COL1A2: variants seen among roughly 807,000 people sequenced by gnomAD.
The protein encoded by COL1A2 is collagen alpha-2(I) chain.
A neutral mutation model predicts 174.3 loss-of-function variants in COL1A2; 49 were observed. The observed-to-expected ratio is 0.28, with a 90% CI of 0.22 to 0.36. The LOEUF is 0.36. COL1A2 is among the 10% of genes least tolerant of loss of function. The probability of loss-of-function intolerance (pLI) is 1.00; values close to 1 mark genes in which losing one functional copy is unlikely to be tolerated. For missense variants in COL1A2, 1,438 were observed against 1,822.7 expected (o/e 0.79, Z 3.84); for synonymous variants, 655 against 606.6 (o/e 1.08, Z -1.17).
At chr7:94,397,870 C>A in intron 2 of COL1A2, 112 bp downstream of exon 2, 1 of 655,356 alleles carries the variant, frequency 1.5e-6, no homozygotes, top group South Asian at 2.0e-5. Flanking sequence ...CCTAGATTCC[C>A]AAGAAAATTG....
rs756564577 is a variant in COL1A2 at position 94,430,387 on chromosome 7, C to A, written c.4095C>A (p.Phe1365Leu). The A allele has an allele frequency of 2.5e-6, 4 of 1,613,862 alleles. No homozygotes were observed. In the East Asian group the frequency reaches 8.9e-5, roughly 36 times the overall value. ...TTGTGGACATTGGCCCAGTCTGTTT[C>A]AAATAAATGAACTCAATCTAAATTA... ...EFFVDIGPVC[F>L]K The change falls in exon 52 of 52, where the codon TTC becomes TTA. Residue 1365 changes from phenylalanine to leucine, a missense_variant. By Grantham distance (22) the Phe-to-Leu change is conservative. This residue lies in a region of COL1A2 where 290 missense variants were observed against 298.1 expected (regional missense o/e 0.97). Coordinates refer to ENST00000297268, the MANE Select transcript of COL1A2 (RefSeq NM_000089.4).
intron 34 of COL1A2, 50 bp downstream of exon 34, chr7:94,419,601 C>G (rs1318953759): frequency 6.2e-7 from 1 of 1,601,120 alleles, no homozygotes; most frequent in Admixed American, 1.7e-5. Context: ...AATTTCCCGC[C>G]TTCCCTAGTC....
intron 45 of COL1A2, 62 bp downstream of exon 45, chr7:94,426,113 T>A: frequency 1.4e-6 from 2 of 1,450,576 alleles, no homozygotes; most frequent in Non-Finnish European, 1.9e-6. Context: ...GTCCAAAACA[T>A]CTGTTAAGAA....
Position 94,420,426 on chromosome 7 carries a change from T to C in COL1A2, c.2169T>C (p.Asn723=), listed in dbSNP as rs407599. ...GTGAGGTCGGTCCTGCTGGCCCCAA[T>C]GGATTTGCTGGTCCTGCTGTGAGTA... ...ERGEVGPAGP[N]GFAGPAGAAG... is the part of the protein sequence containing the mutation. The change falls in exon 36 of 52, where the codon AAT becomes AAC. Residue 723 remains asparagine (N), a synonymous_variant. Coordinates refer to ENST00000297268, the MANE Select transcript of COL1A2 (RefSeq NM_000089.4). The C allele has an allele frequency of 6.2e-7, 1 of 1,614,232 alleles. No individual in the cohort carries two copies. The highest frequency in any genetic ancestry group is 8.5e-7 in the Non-Finnish European group (1 of 1,180,038).
At chr7:94,415,880 G>A (rs988690456) in intron 30 of COL1A2, among the ~76,000 whole-genome samples, 5 of 151,800 alleles carry the variant, frequency 3.3e-5, no homozygotes, top group Admixed American at 6.6e-5. Context: ...ATGTAAATTG[G>A]GAGATATTTA....
chr7:94,413,724 A>G lies in COL1A2; in HGVS notation c.1592A>G (p.Gln531Arg), dbSNP rs757994462. The change falls in exon 27 of 52, where the codon CAG becomes CGG. Residue 531 changes from glutamine (Q) to arginine (R), a missense_variant. Around this residue, in one of 3 missense-constraint regions of COL1A2, gnomAD observed 867 missense variants for 1,213.7 expected, o/e 0.71. Transcript: ENST00000297268. ...APGPDGNNGA[Q>R]GPPGPQGVQG... ...GGTCCTGATGGAAACAATGGTGCTCAGGGACCTCCTGGACCACAGGTGAGT... is the reference window on the plus strand; with the variant it reads ...GGTCCTGATGGAAACAATGGTGCTCGGGGACCTCCTGGACCACAGGTGAGT... 1.9e-6 allele frequency: 3 copies of G among 1,614,238 alleles called. No homozygotes were observed. Among genetic ancestry groups the G allele is most frequent in the Non-Finnish European group, 2.5e-6 (3 of 1,180,046 alleles).
intron 33 of COL1A2, among the ~76,000 whole-genome samples, chr7:94,419,053 G>A (rs1050966247): frequency 1.4e-5 from 2 of 147,106 alleles, no homozygotes; most frequent in Non-Finnish European, 3.0e-5. Flanking sequence ...ACCTTATCTC[G>A]TATGTCAGCC....
chr7:94,422,939 T>C lies in COL1A2; in HGVS notation c.2404-18T>C, dbSNP rs1792197115. 1 of 1,613,986 alleles carries C rather than the reference T, an allele frequency of 6.2e-7. No homozygotes were observed. Among genetic ancestry groups the C allele is most frequent in the African/African-American group, 1.3e-5 (1 of 74,928 alleles). On this transcript the variant is annotated intron_variant, in intron 39 of 51. Coordinates refer to ENST00000297268, the MANE Select transcript of COL1A2 (RefSeq NM_000089.4). ...GGTGATTAACAGAAAGGAAATGACC[T>C]TGTACATTTGCTCATAGGGTATTTC...
intron 22 of COL1A2, 36 bp downstream of exon 22, chr7:94,410,978 T>C: frequency 6.2e-7 from 1 of 1,612,808 alleles, no homozygotes; most frequent in Non-Finnish European, 8.5e-7. Context: ...AGAAAGGGGC[T>C]TGCTGCTTCT....
At chr7:94,426,915 A>T in intron 46 of COL1A2, 93 bp from the exon 47 acceptor site, 1 of 1,102,448 alleles carries the variant, frequency 9.1e-7, no homozygotes, top group Non-Finnish European at 1.4e-6. Context: ...GAGTCCATTT[A>T]ACTAAAGTTT....
At chr7:94,409,458 G>C in intron 17 of COL1A2, 38 bp downstream of exon 17, 1 of 1,612,562 alleles carries the variant, frequency 6.2e-7, no homozygotes. Context: ...TTGAGTAAAA[G>C]AAAACAAAGG....
At chr7:94,422,265 A>T (rs930759932) in intron 39 of COL1A2, among the ~76,000 whole-genome samples, 1 of 151,324 alleles carries the variant, frequency 6.6e-6, no homozygotes, top group Non-Finnish European at 1.5e-5. Flanking sequence ...ATTATCCTTT[A>T]TGGCTAACAT....
rs1299257811 is a variant in COL1A2, at chr7:94,407,984, A to G, written c.639+93A>G. The G allele has an allele frequency of 5.5e-6, 7 of 1,274,256 alleles. No individual in the cohort carries two copies. The East Asian group carries it at 1.4e-4, about 26-fold the overall frequency. 78.9% of individuals were successfully genotyped at this position (1,274,256 alleles called of 1,614,324 possible). A position where few individuals can be genotyped will look rare whatever the true frequency, so the allele number is the denominator to read the frequency against. ...GTTTTTGCTAATCACTGTATCCTTC[A>G]GCATTGTATTCTTTGATGTTTTTCT... is the stretch of plus-strand genomic sequence containing the variant. On this transcript the variant is annotated intron_variant, in intron 13 of 51. Transcript: ENST00000297268.
At chr7:94,409,113 G>A (rs907104540) in intron 16 of COL1A2, among the ~76,000 whole-genome samples, 13 of 152,092 alleles carry the variant, frequency 8.5e-5, no homozygotes, top group African/African-American at 3.1e-4. Flanking sequence ...AGAGACAGAA[G>A]GAGAGGGAAG....
chr7:94,409,788 T>A lies in COL1A2; in HGVS notation c.1002T>A (p.Gly334=). The change falls in exon 19 of 52, where the codon GGT becomes GGA. Residue 334 remains glycine, a synonymous_variant. Coordinates refer to ENST00000297268, the MANE Select transcript of COL1A2 (RefSeq NM_000089.4). ...CCCGCGGTATTCCTGGCCCTGTTGGTGCTGCCGGTGCTACTGGTGCCAGAG... is the reference window on the plus strand; with the variant it reads ...CCCGCGGTATTCCTGGCCCTGTTGGAGCTGCCGGTGCTACTGGTGCCAGAG... The part of the protein sequence containing the change: ...PGPRGIPGPV[G]AAGATGARGL... The A allele has an allele frequency of 6.2e-7, 1 of 1,614,182 alleles. No individual in the cohort carries two copies. The highest frequency in any genetic ancestry group is 1.3e-5 in the African/African-American group (1 of 75,046).
chr7:94,411,096 T>C lies in COL1A2; in HGVS notation c.1292T>C (p.Val431Ala). Residue 431 changes from valine to alanine, a missense_variant, in exon 23 of 52, where the codon GTC becomes GCC. Physicochemically the swap from Val to Ala is moderately conservative, Grantham distance 64. Coordinates refer to ENST00000297268, the MANE Select transcript of COL1A2 (RefSeq NM_000089.4). Reference protein sequence around the residue: ...GSRGASGPAGVRGPNGDAGRP... With the variant: ...GSRGASGPAGARGPNGDAGRP... ...CGTGGTGCAAGTGGCCCTGCTGGAG[T>C]CCGAGGACCTAATGGAGATGCTGGT... 6.2e-7 allele frequency: 1 copy of C among 1,602,012 alleles called. No homozygotes were observed. The highest frequency in any genetic ancestry group is 8.5e-7 in the Non-Finnish European group (1 of 1,174,952).
In COL1A2 at chr7:94,418,513, C is replaced by T. The variant is rs759815794; in HGVS notation, c.1986C>T (p.Leu662=). 2 of 1,613,918 alleles carry T rather than the reference C, an allele frequency of 1.2e-6. No homozygotes were observed. The highest frequency in any genetic ancestry group is 2.2e-5 in the South Asian group (2 of 91,064). ...TATACTTTCAGGGTGAACCTGGTCT[C>T]AGAGGTGAAATTGGTAACCCTGGCA... ...GGKGEKGEPG[L]RGEIGNPGRD... The change falls in exon 33 of 52, where the codon CTC becomes CTT. Residue 662 remains leucine, a synonymous_variant. Transcript: ENST00000297268.
intron 34 of COL1A2, 106 bp downstream of exon 34, chr7:94,419,657 A>G (rs1471120132): frequency 3.2e-6 from 4 of 1,241,154 alleles, no homozygotes; most frequent in African/African-American, 1.5e-5. Context: ...TATAAAGCCT[A>G]CTTATTTAAA....
Position 94,431,197 on chromosome 7 carries a change from G to T in COL1A2, c.*804G>T, listed in dbSNP as rs1062394. The T allele has an allele frequency of 0.091, 13,894 of 152,608 alleles. 667 individuals carry two copies. The highest frequency in any genetic ancestry group is 0.14 in the Middle Eastern group (40 of 294). The allele number at this position is 152,608 out of a possible 1,614,324, so 9.5% of individuals were successfully genotyped here. A position where few individuals can be genotyped will look rare whatever the true frequency, so the allele number is the denominator to read the frequency against. ...TGTTTAAATAAATTGTGAAAAAAAT[G>T]AAATAAAGCATGTTTGGTTTTCCAA... On this transcript the variant is annotated 3_prime_UTR_variant, in exon 52 of 52. Coordinates refer to ENST00000297268, the MANE Select transcript of COL1A2 (RefSeq NM_000089.4).
Sources: gnomAD v4.1 joint callset for allele counts (sites outside exome capture counted in the v4.1 genomes callset) on GRCh38, gnomAD v4.1.1 for gene constraint, gnomAD v4.1.1 regional missense constraint, MANE v1.5 for transcripts, NCBI Gene and HGNC (gene_info 2026-07-23, HGNC 2026-07-21) for gene names.